TCF4: variants seen among roughly 807,000 people sequenced by gnomAD.
TCF4 encodes transcription factor 4, also known as SL3-3 enhancer factor 2.
TCF4 carries 3 observed loss-of-function variants against 82.1 expected under a neutral mutation model. The observed-to-expected ratio is 0.04, with a 90% CI of 0.02 to 0.09. The LOEUF is 0.09. Ranked by LOEUF, TCF4 falls within the 10% of genes least tolerant of loss-of-function variation. TCF4 has a pLI of 1.00. For missense variants in TCF4, 518 were observed against 852.7 expected, an observed-to-expected ratio of 0.61 and a Z score of 4.89; for synonymous variants, 276 against 309.6, an observed-to-expected ratio of 0.89 and a Z score of 1.14.
chr18:55,239,742 C>T (rs1752779879), intron 15 of TCF4, among the ~76,000 whole-genome samples: 2 of 152,142 alleles, frequency 1.3e-5, no homozygotes, highest in South Asian at 4.1e-4. Context: ...AATTAGGTGG[C>T]TGTTGGCAAG....
intron 3 of TCF4, among the ~76,000 whole-genome samples, chr18:55,532,287 T>C (rs1464066225): frequency 6.6e-6 from 1 of 152,096 alleles, no homozygotes; most frequent in Non-Finnish European, 1.5e-5. Flanking sequence ...GCCATCCTCA[T>C]CATCATCATC....
At chr18:55,577,102 TTATATATG>T (rs1186986493) in intron 3 of TCF4, among the ~76,000 whole-genome samples, 1 of 146,482 alleles carries the variant, frequency 6.8e-6, no homozygotes, top group East Asian at 2.0e-4. Context: ...ATTTATATAT[TTATATATG>T]TATATATACA....
At chr18:55,444,443 T>C (rs1177307164) in intron 5 of TCF4, among the ~76,000 whole-genome samples, 1 of 152,170 alleles carries the variant, frequency 6.6e-6, no homozygotes, top group African/African-American at 2.4e-5. Flanking sequence ...ATACAAGGTG[T>C]GATTAAACCA....
chr18:55,533,690 A>G (rs1430874189), intron 3 of TCF4, among the ~76,000 whole-genome samples: 1 of 152,218 alleles, frequency 6.6e-6, no homozygotes, highest in Non-Finnish European at 1.5e-5. Flanking sequence ...GCCTCCTTCC[A>G]ATACACAAAA....
intron 8 of TCF4, among the ~76,000 whole-genome samples, chr18:55,330,932 A>G (rs551908146): frequency 3.3e-5 from 5 of 152,362 alleles, no homozygotes; most frequent in Non-Finnish European, 5.9e-5. Context: ...TTATAAACCA[A>G]TAATTTTCAA....
chr18:55,326,030 G>A (rs2076495777), intron 8 of TCF4, among the ~76,000 whole-genome samples: 1 of 152,022 alleles, frequency 6.6e-6, no homozygotes, highest in African/African-American at 2.4e-5. Flanking sequence ...CTCTGTGGCA[G>A]GTATTATCAT....
chr18:55,514,442 CACA>C lies in TCF4; in HGVS notation c.146-50308_146-50306del, dbSNP rs769513754. Among the ~76,000 whole-genome samples the C allele has an allele frequency of 5.0e-3, 745 of 148,478 alleles. 4 individuals are homozygous for C. Among genetic ancestry groups the C allele is most frequent in the African/African-American group, 0.012 (486 of 41,078 alleles). ...ACACACACACACACACACACACACA[CACA>C]CCCCAATCATACCTACCACCATGCT... On this transcript the variant is annotated intron_variant, in intron 3 of 19. Transcript: ENST00000354452.
intron 2 of TCF4, among the ~76,000 whole-genome samples, chr18:55,607,724 T>C (rs1470202151): frequency 6.6e-6 from 1 of 152,170 alleles, no homozygotes; most frequent in Non-Finnish European, 1.5e-5. Flanking sequence ...TTGTTGCGGA[T>C]CCAAATGCTA....
At chr18:55,635,082 G>A (rs1487710817) in intron 1 of TCF4, among the ~76,000 whole-genome samples, 1 of 152,182 alleles carries the variant, frequency 6.6e-6, no homozygotes, top group East Asian at 1.9e-4. Flanking sequence ...CAGAGTTCTT[G>A]GAGAGAAAGA....
chr18:55,442,805 G>C (rs182755102), intron 5 of TCF4, among the ~76,000 whole-genome samples: 1 of 152,320 alleles, frequency 6.6e-6, no homozygotes, highest in East Asian at 1.9e-4. Context: ...AAGAACTTTT[G>C]CATTTCCACA....
intron 15 of TCF4, among the ~76,000 whole-genome samples, chr18:55,250,877 T>C (rs969111206): frequency 1.1e-4 from 17 of 151,964 alleles, no homozygotes; most frequent in African/African-American, 3.9e-4. Flanking sequence ...TATCTAGAAA[T>C]GGTATGATTC....
chr18:55,265,905 A>G (rs908271771), intron 11 of TCF4: 3 of 152,214 alleles, frequency 2.0e-5, no homozygotes, highest in African/African-American at 7.2e-5. Flanking sequence ...AGGTTTAAAA[A>G]CGTGGAAAAG....
At chr18:55,625,040 T>C (rs1289960766) in intron 2 of TCF4, among the ~76,000 whole-genome samples, 1 of 152,150 alleles carries the variant, frequency 6.6e-6, no homozygotes, top group Non-Finnish European at 1.5e-5. Context: ...TAGAGATAAA[T>C]ATTTTCATAA....
chr18:55,368,008 C>G (rs183595359), intron 6 of TCF4, among the ~76,000 whole-genome samples: 2 of 152,308 alleles, frequency 1.3e-5, no homozygotes, highest in African/African-American at 2.4e-5. Context: ...ACTGAACAAT[C>G]TAAGCATCTT....
At chr18:55,499,354 T>C (rs1324978871) in intron 3 of TCF4, among the ~76,000 whole-genome samples, 1 of 152,206 alleles carries the variant, frequency 6.6e-6, no homozygotes, top group African/African-American at 2.4e-5. Flanking sequence ...TACTCCCACC[T>C]GAGAACAGGG....
chr18:55,238,544 T>TG (rs1167925058), intron 15 of TCF4, among the ~76,000 whole-genome samples: 1 of 152,132 alleles, frequency 6.6e-6, no homozygotes, highest in Non-Finnish European at 1.5e-5. Flanking sequence ...ATCAATTTAG[T>TG]GGGGTAGTTT....
chr18:55,336,478 C>T (rs1388492873), intron 8 of TCF4, among the ~76,000 whole-genome samples: 1 of 151,822 alleles, frequency 6.6e-6, no homozygotes, highest in East Asian at 1.9e-4. Flanking sequence ...AAATAAATGG[C>T]AAATGAGGTT....
intron 3 of TCF4, among the ~76,000 whole-genome samples, chr18:55,513,480 T>G (rs558923021): frequency 4.6e-5 from 7 of 151,740 alleles, no homozygotes; most frequent in Non-Finnish European, 1.0e-4. Context: ...CATTACCAAA[T>G]AGTGAAAGAG....
At chr18:55,523,342 A>G (rs1340641726) in intron 3 of TCF4, among the ~76,000 whole-genome samples, 6 of 152,052 alleles carry the variant, frequency 3.9e-5, no homozygotes, top group African/African-American at 1.4e-4. Flanking sequence ...GAATTAATAA[A>G]TTAGAAAACA....
Sources: gnomAD v4.1 joint callset for allele counts (sites outside exome capture counted in the v4.1 genomes callset) on GRCh38, gnomAD v4.1.1 for gene constraint, MANE v1.5 for transcripts, NCBI Gene and HGNC (gene_info 2026-07-23, HGNC 2026-07-21) for gene names.